Variants in CAPN5 observed in about 807,000 individuals in gnomAD.
CAPN5 encodes calpain 5, also known as calpain-5.
Under a neutral mutation model 73.0 loss-of-function variants are expected in CAPN5, and 54 were observed. The ratio of observed to expected loss-of-function variants is 0.74; its 90% confidence interval spans 0.59 to 0.93. The LOEUF (loss-of-function observed/expected upper bound fraction) is 0.93, where lower values mean the gene tolerates loss of function less well. Ranked by LOEUF, CAPN5 falls within the 40% of genes least tolerant of loss-of-function variation. The pLI is 0.00. For missense variants in CAPN5, 785 were observed against 882.9 expected, an observed-to-expected ratio of 0.89 and a Z score of 1.41; for synonymous variants, 335 against 356.9, an observed-to-expected ratio of 0.94 and a Z score of 0.69.
In CAPN5 at chr11:77,118,397, G is replaced by A. The variant is rs1466571736; in HGVS notation, c.1167+45G>A. The A allele has an allele frequency of 5.4e-6, 8 of 1,495,052 alleles. No individual in the cohort carries two copies. In the East Asian group the frequency reaches 2.0e-4, roughly 37 times the overall value. 92.6% of individuals were successfully genotyped at this position (1,495,052 alleles called of 1,614,324 possible). A position where few individuals can be genotyped will look rare whatever the true frequency, so the allele number is the denominator to read the frequency against. ...CCCACCCTGCCCTGTAGCAGCTGCG[G>A]GGTGCCTTGCCACTGTCCTGCCAGG... On this transcript the variant is annotated intron_variant, in intron 8 of 12. Coordinates refer to ENST00000648180, the MANE Select transcript of CAPN5 (RefSeq NM_004055.5).
chr11:77,101,661 C>A (rs1950285792), intron 3 of CAPN5, among the ~76,000 whole-genome samples: 2 of 152,216 alleles, frequency 1.3e-5, no homozygotes, highest in Non-Finnish European at 2.9e-5. Context: ...CTAGACCCTT[C>A]AGATTGTTTT....
At chr11:77,084,610 C>G (rs554591122) in intron 1 of CAPN5, among the ~76,000 whole-genome samples, 2 of 152,250 alleles carry the variant, frequency 1.3e-5, no homozygotes, top group South Asian at 4.1e-4. Flanking sequence ...GGCCTGAGCT[C>G]TGTGTGGCCT....
intron 2 of CAPN5, chr11:77,088,033 C>G (rs1028272369): frequency 6.5e-7 from 1 of 1,535,686 alleles, no homozygotes; most frequent in Non-Finnish European, 8.7e-7. Flanking sequence ...TCAGGGTGTC[C>G]GTCCTCCTCG....
intron 2 of CAPN5, among the ~76,000 whole-genome samples, chr11:77,090,927 C>T (rs1045697221): frequency 3.9e-5 from 6 of 152,072 alleles, no homozygotes; most frequent in East Asian, 3.9e-4. Flanking sequence ...TGCTTCCTGA[C>T]GGGGTGCCGT....
intron 3 of CAPN5, among the ~76,000 whole-genome samples, chr11:77,111,630 C>A (rs1950411242): frequency 6.6e-6 from 1 of 152,236 alleles, no homozygotes; most frequent in Admixed American, 6.5e-5. Flanking sequence ...ACTAAACATA[C>A]TCTCTGGGTC....
intron 2 of CAPN5, chr11:77,088,200 A>G: frequency 2.8e-6 from 3 of 1,063,410 alleles, no homozygotes; most frequent in Non-Finnish European, 3.9e-6. Context: ...GGGACTAATG[A>G]ACAGACACTG....
chr11:77,122,094 C>T (rs1950525469), intron 11 of CAPN5, 45 bp downstream of exon 11: 2 of 1,159,860 alleles, frequency 1.7e-6, no homozygotes, highest in Non-Finnish European at 2.4e-6. Flanking sequence ...TGCCAGTTGT[C>T]CCATGGCCTC....
At chr11:77,096,017 G>T (rs1950205404) in intron 3 of CAPN5, among the ~76,000 whole-genome samples, 2 of 152,196 alleles carry the variant, frequency 1.3e-5, no homozygotes, top group South Asian at 2.1e-4. Context: ...GAGGCTCGGG[G>T]CCCTGCGGAG....
chr11:77,125,118 C>T lies in CAPN5; in HGVS notation c.*1248C>T, dbSNP rs1950560402. ...CTTCGTGAGCACTGGTGCCGTGACCCACTTGGGATCTCTGCTGTGCCCTTC... is the reference window on the plus strand; with the variant it reads ...CTTCGTGAGCACTGGTGCCGTGACCTACTTGGGATCTCTGCTGTGCCCTTC... On this transcript the variant is annotated 3_prime_UTR_variant, in exon 13 of 13. Transcript: ENST00000648180. The T allele has an allele frequency of 6.6e-6, 1 of 152,426 alleles. No individual in the cohort carries two copies. The highest frequency in any genetic ancestry group is 1.5e-5 in the Non-Finnish European group (1 of 68,050). The allele number at this position is 152,426 out of a possible 1,614,324, so 9.4% of individuals were successfully genotyped here.
chr11:77,114,151 C>G (rs566915098), intron 4 of CAPN5, 91 bp from the exon 5 acceptor site: 9 of 1,193,798 alleles, frequency 7.5e-6, no homozygotes, highest in East Asian at 2.3e-5. Flanking sequence ...TTGTTTGACC[C>G]CTCTGAGTTT....
intron 8 of CAPN5, 42 bp from the exon 9 acceptor site, chr11:77,118,988 T>A: frequency 6.3e-7 from 1 of 1,580,352 alleles, no homozygotes; most frequent in Non-Finnish European, 8.6e-7. Flanking sequence ...CCTGGTGTGG[T>A]CTCATTGCAG....
intron 2 of CAPN5, among the ~76,000 whole-genome samples, chr11:77,087,249 G>A (rs1378184543): frequency 6.6e-6 from 1 of 152,252 alleles, no homozygotes; most frequent in Non-Finnish European, 1.5e-5. Flanking sequence ...GGGATGGGAG[G>A]TTTGTGGAGC....
chr11:77,094,883 G>A (rs1276696560), intron 3 of CAPN5, among the ~76,000 whole-genome samples: 2 of 152,238 alleles, frequency 1.3e-5, no homozygotes, highest in Non-Finnish European at 2.9e-5. Flanking sequence ...AGGTACTCCT[G>A]TGCAAGACAG....
chr11:77,093,598 CGTCTGTGTCTGTCAT>C (rs373163273), intron 2 of CAPN5, 69 bp from the exon 3 acceptor site: 21,461 of 864,896 alleles, frequency 0.025, 182 homozygotes, highest in Non-Finnish European at 0.028. Context: ...GTGTCTGTCA[CGTCTGTGTCTGTCAT>C]GTCTCCTGCC....
At chr11:77,114,206 G>A (rs1282538794) in intron 4 of CAPN5, 36 bp from the exon 5 acceptor site, 26 of 1,596,566 alleles carry the variant, frequency 1.6e-5, no homozygotes, top group African/African-American at 2.7e-5. Flanking sequence ...TGGCTGGGGA[G>A]CATGAGCTGG....
rs1555043613 is a variant in CAPN5, at chr11:77,125,004, A to G, written c.*1134A>G. On this transcript the variant is annotated 3_prime_UTR_variant, in exon 13 of 13. Coordinates refer to ENST00000648180, the MANE Select transcript of CAPN5 (RefSeq NM_004055.5). ...ATATTCTTTTTGTTTTGAAAATCTC[A>G]ATTTTAATCAGGGGTTTTAAAAGAA... The G allele has an allele frequency of 6.6e-6, 1 of 152,326 alleles. No individual in the cohort carries two copies. The highest frequency in any genetic ancestry group is 1.5e-5 in the Non-Finnish European group (1 of 68,020). 9.4% of individuals were successfully genotyped at this position (152,326 alleles called of 1,614,324 possible).
intron 3 of CAPN5, among the ~76,000 whole-genome samples, chr11:77,101,920 G>C (rs1251870882): frequency 1.3e-5 from 2 of 152,230 alleles, no homozygotes; most frequent in African/African-American, 4.8e-5. Flanking sequence ...GGAGTAAGTG[G>C]TGGGATTTGG....
intron 1 of CAPN5, chr11:77,071,747 TG>T: frequency 2.4e-6 from 1 of 418,236 alleles, no homozygotes. Flanking sequence ...TGCCTGGGTA[TG>T]GGGAGCAGGC....
chr11:77,113,200 G>A (rs986764902), intron 4 of CAPN5, among the ~76,000 whole-genome samples: 1 of 152,230 alleles, frequency 6.6e-6, no homozygotes, highest in Non-Finnish European at 1.5e-5. Context: ...CCACGTGCCT[G>A]CCTTCCCCGC....
Sources: gnomAD v4.1 joint callset for allele counts (sites outside exome capture counted in the v4.1 genomes callset) on GRCh38, gnomAD v4.1.1 for gene constraint, MANE v1.5 for transcripts, NCBI Gene and HGNC (gene_info 2026-07-23, HGNC 2026-07-21) for gene names.